Variants in PTPRT observed in about 807,000 individuals in gnomAD.
The protein encoded by PTPRT is receptor-type tyrosine-protein phosphatase T.
PTPRT carries 56 observed loss-of-function variants against 176.8 expected under a neutral mutation model. That is an observed-to-expected ratio of 0.32 (90% confidence interval 0.26 to 0.40). PTPRT has a LOEUF of 0.40. Among genes scored for constraint, PTPRT ranks in the 10% least tolerant of loss-of-function variants. PTPRT has a pLI of 1.00. For synonymous variants in PTPRT, 783 were observed against 739.0 expected (o/e 1.06, Z -0.96); for missense variants, 1,540 against 1,908.2 (o/e 0.81, Z 3.60).
chr20:42,415,979 A>C (rs1378832659), intron 9 of PTPRT, among the ~76,000 whole-genome samples: 2 of 152,232 alleles, frequency 1.3e-5, no homozygotes, highest in Non-Finnish European at 2.9e-5. Context: ...TGTGTTCATA[A>C]ATCTAAATGC....
chr20:43,144,786 TA>T (rs371752888), intron 1 of PTPRT, among the ~76,000 whole-genome samples: 287 of 148,182 alleles, frequency 1.9e-3, no homozygotes, highest in African/African-American at 4.3e-3. Flanking sequence ...ACCGTTGAAT[TA>T]AAAAAAAAAG....
chr20:43,069,514 T>C (rs1167221847), intron 1 of PTPRT, among the ~76,000 whole-genome samples: 1 of 152,186 alleles, frequency 6.6e-6, no homozygotes, highest in Non-Finnish European at 1.5e-5. Context: ...ATAAATAATA[T>C]AAACCCATTA....
intron 1 of PTPRT, among the ~76,000 whole-genome samples, chr20:43,133,396 C>T (rs1365655312): frequency 1.3e-5 from 2 of 152,134 alleles, no homozygotes; most frequent in Non-Finnish European, 2.9e-5. Flanking sequence ...AATAGAAACT[C>T]GTTATTTTGC....
chr20:42,843,398 T>A lies in PTPRT; in HGVS notation c.214+42409A>T, dbSNP rs573173323. ...TGACTGCTCCCACCACGGCCTCTGCTGGGCAGCTGCTACTAGGCAGGAACC... is the reference window on the plus strand; with the variant it reads ...TGACTGCTCCCACCACGGCCTCTGCAGGGCAGCTGCTACTAGGCAGGAACC... On this transcript the variant is annotated intron_variant, in intron 2 of 30. Transcript: ENST00000373187. 4.3e-5 allele frequency among the ~76,000 whole-genome samples: 4 copies of A among 93,522 alleles called. No individual in the cohort carries two copies. In the East Asian group the frequency reaches 8.6e-4, roughly 20 times the overall value. The allele number at this position is 93,522 out of a possible 152,430, so 61.4% of individuals were successfully genotyped here.
intron 1 of PTPRT, among the ~76,000 whole-genome samples, chr20:42,968,439 T>C (rs890934579): frequency 2.6e-5 from 4 of 152,192 alleles, no homozygotes; most frequent in African/African-American, 9.7e-5. Flanking sequence ...GACACAGATG[T>C]ACGGTTGAAC....
At chr20:42,263,915 A>G (rs1254668161) in intron 13 of PTPRT, among the ~76,000 whole-genome samples, 1 of 152,160 alleles carries the variant, frequency 6.6e-6, no homozygotes, top group East Asian at 1.9e-4. Flanking sequence ...GGGGACCCCA[A>G]TTTGGAATCT....
chr20:42,092,200 C>T (rs1214765484), intron 27 of PTPRT, among the ~76,000 whole-genome samples: 1 of 152,168 alleles, frequency 6.6e-6, no homozygotes, highest in Non-Finnish European at 1.5e-5. Context: ...CAAGGTGAGG[C>T]TTCAGAAAGA....
intron 1 of PTPRT, among the ~76,000 whole-genome samples, chr20:42,939,823 G>A (rs1980429869): frequency 6.6e-6 from 1 of 152,098 alleles, no homozygotes; most frequent in African/African-American, 2.4e-5. Flanking sequence ...GTAAAATGAT[G>A]GAGTGGTAGT....
chr20:42,136,915 G>A (rs1988406138), intron 18 of PTPRT, among the ~76,000 whole-genome samples: 1 of 152,176 alleles, frequency 6.6e-6, no homozygotes, highest in Admixed American at 6.5e-5. Context: ...AGCTCTGGGA[G>A]TCATTCTACC....
chr20:42,069,057 G>C (rs936375806), downstream of PTPRT, among the ~76,000 whole-genome samples: 12 of 152,198 alleles, frequency 7.9e-5, no homozygotes, highest in African/African-American at 2.9e-4. Context: ...CACTGGTTCT[G>C]GGCTAAAAGC....
intron 6 of PTPRT, among the ~76,000 whole-genome samples, chr20:42,685,005 C>A (rs888476673): frequency 1.3e-5 from 2 of 152,102 alleles, no homozygotes. Context: ...TGGGTAGATA[C>A]CCATCCAAAG....
intron 7 of PTPRT, among the ~76,000 whole-genome samples, chr20:42,549,280 A>C (rs1418411649): frequency 1.3e-5 from 2 of 152,064 alleles, no homozygotes; most frequent in African/African-American, 2.4e-5. Context: ...TCTGGATGGA[A>C]GTTAAAAAAA....
intron 13 of PTPRT, among the ~76,000 whole-genome samples, chr20:42,249,599 G>A (rs573739817): frequency 2.6e-5 from 4 of 152,270 alleles, no homozygotes; most frequent in South Asian, 4.2e-4. Context: ...TTTTATAGAT[G>A]AGAAAACCAA....
At chr20:42,180,007 G>T (rs539086121) in intron 16 of PTPRT, among the ~76,000 whole-genome samples, 10 of 152,280 alleles carry the variant, frequency 6.6e-5, no homozygotes, top group African/African-American at 2.2e-4. Context: ...CGGTGGCTCC[G>T]GGAAGATTCC....
chr20:42,569,600 C>T (rs577377833), intron 7 of PTPRT, among the ~76,000 whole-genome samples: 6 of 152,154 alleles, frequency 3.9e-5, no homozygotes, highest in Non-Finnish European at 8.8e-5. Flanking sequence ...TCACCCTCAC[C>T]AGTCCATGCA....
intron 19 of PTPRT, among the ~76,000 whole-genome samples, chr20:42,125,086 T>C (rs1419439217): frequency 6.6e-6 from 1 of 152,134 alleles, no homozygotes; most frequent in Non-Finnish European, 1.5e-5. Flanking sequence ...CCCTCTCTCA[T>C]AGCTACTCTC....
At chr20:42,559,037 C>T (rs1170330405) in intron 7 of PTPRT, among the ~76,000 whole-genome samples, 1 of 152,098 alleles carries the variant, frequency 6.6e-6, no homozygotes, top group Admixed American at 6.5e-5. Flanking sequence ...CAAAATGAGG[C>T]CAAAGGCCAG....
chr20:42,907,020 G>A (rs533428439), intron 1 of PTPRT, among the ~76,000 whole-genome samples: 17 of 152,176 alleles, frequency 1.1e-4, no homozygotes, highest in South Asian at 8.3e-4. Flanking sequence ...TTTAGGCACC[G>A]GGAGTCTCTC....
At chr20:42,592,114 G>A (rs1435713152) in intron 7 of PTPRT, among the ~76,000 whole-genome samples, 1 of 151,196 alleles carries the variant, frequency 6.6e-6, no homozygotes, top group Non-Finnish European at 1.5e-5. Context: ...CGAGTAGCTG[G>A]GACTACAGGC....
Sources: gnomAD v4.1 joint callset for allele counts (sites outside exome capture counted in the v4.1 genomes callset) on GRCh38, gnomAD v4.1.1 for gene constraint, MANE v1.5 for transcripts, NCBI Gene and HGNC (gene_info 2026-07-23, HGNC 2026-07-21) for gene names.